Variants in NSUN2 observed in about 807,000 individuals in gnomAD.
NSUN2 encodes NOP2/Sun RNA methyltransferase 2.
In NSUN2, 63 loss-of-function variants were observed where a neutral mutation model predicts 92.7. The observed-to-expected ratio is 0.68, with a 90% CI of 0.56 to 0.84. The LOEUF is 0.84. Ranked by LOEUF, NSUN2 falls within the 40% of genes least tolerant of loss-of-function variation. The pLI is 0.00. For missense variants in NSUN2, 989 were observed against 964.9 expected (o/e 1.02, Z -0.33); for synonymous variants, 356 against 348.3 (o/e 1.02, Z -0.25).
intron 3 of NSUN2, among the ~76,000 whole-genome samples, chr5:6,628,908 G>A (rs1449395962): frequency 6.6e-6 from 1 of 152,136 alleles, no homozygotes; most frequent in Non-Finnish European, 1.5e-5. Flanking sequence ...AGCCAGGCGT[G>A]GTGGCATGCA....
chr5:6,602,501 C>T lies in NSUN2; in HGVS notation c.1958-1G>A. On this transcript the variant is annotated splice_acceptor_variant, in intron 17 of 18. Transcript: ENST00000264670. LOFTEE classifies it high-confidence loss of function. ...TACTTCAGCACGATGCTTCCCTTTG[C>T]TGGAAAAGAAACAGACACACATTTG... 3 of 1,614,204 alleles carry T rather than the reference C, an allele frequency of 1.9e-6. No individual in the cohort carries two copies. The highest frequency in any genetic ancestry group is 1.3e-5 in the African/African-American group (1 of 75,060).
chr5:6,630,771 G>A (rs1237006620), intron 3 of NSUN2, among the ~76,000 whole-genome samples: 3 of 152,158 alleles, frequency 2.0e-5, no homozygotes, highest in Non-Finnish European at 4.4e-5. Context: ...CTACGTACTG[G>A]AATAGTCAAA....
Position 6,620,154 on chromosome 5 carries a change from C to G in NSUN2, c.767G>C (p.Arg256Thr). ...TCGATCATAGAAGAGGATCTCTTTC[C>G]TGCCGTCCACATCTATCTGGAGCCT... ...IPRLQIDVDG[R>T]KEILFYDRIL... Residue 256 changes from arginine to threonine, a missense_variant, in exon 7 of 19, where the codon AGG (arginine) becomes ACG (threonine). Coordinates refer to ENST00000264670, the MANE Select transcript of NSUN2 (RefSeq NM_017755.6). 6.2e-7 allele frequency: 1 copy of G among 1,610,518 alleles called. No individual in the cohort carries two copies. The highest frequency in any genetic ancestry group is 1.3e-5 in the African/African-American group (1 of 74,746).
At position 6,602,452 on chromosome 5, in the gene NSUN2, C is replaced by T. The variant is rs202171046; in HGVS notation, c.1997+9G>A. ...TGTGTGTCTAAGGGCAGGGCGTGTACTGACTTACGCAGAATCTGGTTCATA... is the reference window on the plus strand; with the variant it reads ...TGTGTGTCTAAGGGCAGGGCGTGTATTGACTTACGCAGAATCTGGTTCATA... On this transcript the variant is annotated intron_variant, in intron 18 of 18. Coordinates refer to ENST00000264670, the MANE Select transcript of NSUN2 (RefSeq NM_017755.6). The T allele has an allele frequency of 3.1e-6, 5 of 1,613,516 alleles. No individual in the cohort carries two copies. Among genetic ancestry groups the T allele is most frequent in the Non-Finnish European group, 4.2e-6 (5 of 1,179,788 alleles).
intron 11 of NSUN2, among the ~76,000 whole-genome samples, chr5:6,610,750 T>C (rs2094784266): frequency 6.6e-6 from 1 of 151,200 alleles, no homozygotes; most frequent in Admixed American, 6.6e-5. Context: ...CCAATTTCAC[T>C]ATTAATAAAT....
chr5:6,611,614 C>T, intron 10 of NSUN2, 111 bp downstream of exon 10: 1 of 781,136 alleles, frequency 1.3e-6, no homozygotes, highest in Non-Finnish European at 2.2e-6. Flanking sequence ...ATTGGCATAA[C>T]CAGATGTAGT....
At chr5:6,621,944 T>TA (rs1737464839) in intron 6 of NSUN2, 72 bp downstream of exon 6, 5 of 1,305,122 alleles carry the variant, frequency 3.8e-6, no homozygotes, top group Non-Finnish European at 5.5e-6. Flanking sequence ...CAGGCAAAGT[T>TA]AGAGTCTTTT....
intron 11 of NSUN2, among the ~76,000 whole-genome samples, chr5:6,610,156 T>C (rs1736929198): frequency 6.6e-6 from 1 of 151,948 alleles, no homozygotes; most frequent in African/African-American, 2.4e-5. Context: ...CTCCGCCTCC[T>C]GGGCTCAGGA....
intron 5 of NSUN2, 140 bp from the exon 6 acceptor site, chr5:6,622,240 T>A: frequency 1.5e-6 from 1 of 650,638 alleles, no homozygotes; most frequent in Non-Finnish European, 2.6e-6. Context: ...TGACATAATT[T>A]ACTTTTAGGG....
chr5:6,614,108 A>AG (rs1341738835), intron 9 of NSUN2, among the ~76,000 whole-genome samples: 1 of 81,790 alleles, frequency 1.2e-5, no homozygotes, highest in Non-Finnish European at 2.7e-5. Context: ...AAAAAAAAAA[A>AG]AAAAAAAAAA....
chr5:6,630,137 A>C (rs894681668), intron 3 of NSUN2, among the ~76,000 whole-genome samples: 2 of 152,214 alleles, frequency 1.3e-5, no homozygotes, highest in Non-Finnish European at 2.9e-5. Context: ...GATCTCGTGA[A>C]GGTTACCTCA....
rs564144979 is a variant in NSUN2, at chr5:6,628,404, T to C, written c.360-2735A>G. Reference sequence around the variant, plus strand: ...TGATAATAAGGTGCACTCTGAACAATTGGTTGTCAAAACAATGCTTCTATA... The same window carrying C: ...TGATAATAAGGTGCACTCTGAACAACTGGTTGTCAAAACAATGCTTCTATA... On this transcript the variant is annotated intron_variant, in intron 3 of 18. Coordinates refer to ENST00000264670, the MANE Select transcript of NSUN2 (RefSeq NM_017755.6). Among the ~76,000 whole-genome samples the C allele has an allele frequency of 1.5e-3, 229 of 152,232 alleles. 3 individuals are homozygous for C. The highest frequency in any genetic ancestry group is 4.1e-3 in the African/African-American group (171 of 41,534).
intron 3 of NSUN2, among the ~76,000 whole-genome samples, chr5:6,627,347 T>C (rs1737690927): frequency 6.6e-6 from 1 of 152,248 alleles, no homozygotes; most frequent in Non-Finnish European, 1.5e-5. Flanking sequence ...GCTCATATAG[T>C]ATCTGGTCTT....
rs1436616106 is a variant in NSUN2, at chr5:6,620,209, C to T, written c.712G>A (p.Val238Met). ...ATGCTGGAGGCATCATGGTTGACCA[C>T]CATGATGCAGGGGCTGCTCAGCCTC... ...AKRLSSPCIM[V>M]VNHDASSIPR... Residue 238 changes from valine to methionine, a missense_variant, in exon 7 of 19, where the codon GTG becomes ATG. Val to Met is a conservative substitution (Grantham distance 21). This residue lies in a region of NSUN2 where 356 missense variants were observed against 338.6 expected (regional missense o/e 1.05). Coordinates refer to ENST00000264670, the MANE Select transcript of NSUN2 (RefSeq NM_017755.6). 3.1e-6 allele frequency: 5 copies of T among 1,613,382 alleles called. 1 individual carries two copies. In the South Asian group the frequency reaches 4.4e-5, roughly 14 times the overall value.
In NSUN2 at chr5:6,600,198, A is replaced by G. The variant is rs747908747; in HGVS notation, c.2032T>C (p.Cys678Arg). ...ATGGAGGCCTTTCCCCGCCATCCGC[A>G]TAAGACGATGGGACACTGCAGAGCG... ...PDALQCPIVL[C>R]GWRGKASIRT... is the part of the protein sequence containing the mutation. Residue 678 changes from cysteine (C) to arginine (R), a missense_variant, in exon 19 of 19, where the codon TGC becomes CGC. By Grantham distance (180) the Cys-to-Arg change is radical (BLOSUM62 -3). Around this residue, in one of 3 missense-constraint regions of NSUN2, gnomAD observed 626 missense variants for 602.3 expected, o/e 1.04. Transcript: ENST00000264670. The G allele has an allele frequency of 1.1e-5, 18 of 1,614,118 alleles. No individual in the cohort carries two copies. Among genetic ancestry groups the G allele is most frequent in the Non-Finnish European group, 1.5e-5 (18 of 1,180,044 alleles).
intron 10 of NSUN2, 79 bp downstream of exon 10, chr5:6,611,646 G>A (rs192167168): frequency 6.5e-5 from 76 of 1,175,350 alleles, no homozygotes; most frequent in Admixed American, 2.7e-4. Flanking sequence ...TTACTCACAC[G>A]TGAATGCTTT....
In NSUN2 at chr5:6,609,849, G is replaced by A. The variant is rs1425819876; in HGVS notation, c.1300C>T (p.Pro434Ser). ...ACCTTTGGCTGACGTTTATTCCACGGCATTGAAGATTTTTTCACCAATACT... is the reference window on the plus strand; with the variant it reads ...ACCTTTGGCTGACGTTTATTCCACGACATTGAAGATTTTTTCACCAATACT... ...VAVLVKKSSM[P>S]WNKRQPKLQG... Residue 434 changes from proline (P) to serine (S), a missense_variant, in exon 12 of 19, where the codon CCG (proline) becomes TCG (serine). Pro to Ser is a moderately conservative substitution (Grantham distance 74). Around this residue, in one of 3 missense-constraint regions of NSUN2, gnomAD observed 626 missense variants for 602.3 expected, o/e 1.04. Transcript: ENST00000264670. 6.2e-7 allele frequency: 1 copy of A among 1,613,382 alleles called. No individual in the cohort carries two copies. The highest frequency in any genetic ancestry group is 8.5e-7 in the Non-Finnish European group (1 of 1,179,666).
chr5:6,611,481 C>T lies in NSUN2; in HGVS notation c.1095+244G>A, dbSNP rs569058132. ...AAAAAAAAAAGCAAAGCTACCCTTA[C>T]AGGGATGAGAGTAAAAGAGTTTATT... On this transcript the variant is annotated intron_variant, in intron 10 of 18. Coordinates refer to ENST00000264670, the MANE Select transcript of NSUN2 (RefSeq NM_017755.6). Among the ~76,000 whole-genome samples, 7 of 82,276 alleles carry T rather than the reference C, an allele frequency of 8.5e-5. No individual in the cohort carries two copies. In the East Asian group the frequency reaches 1.8e-3, roughly 21 times the overall value. The allele number at this position is 82,276 out of a possible 152,430, so 54.0% of individuals were successfully genotyped here. A position where few individuals can be genotyped will look rare whatever the true frequency, so the allele number is the denominator to read the frequency against.
At chr5:6,619,430 G>C (rs557335606) in intron 7 of NSUN2, among the ~76,000 whole-genome samples, 1 of 152,312 alleles carries the variant, frequency 6.6e-6, no homozygotes, top group South Asian at 2.1e-4. Flanking sequence ...ATGTCATTCA[G>C]AAGTCATTAT....
Sources: gnomAD v4.1 joint callset for allele counts (sites outside exome capture counted in the v4.1 genomes callset) on GRCh38, gnomAD v4.1.1 for gene constraint, gnomAD v4.1.1 regional missense constraint, MANE v1.5 for transcripts, NCBI Gene and HGNC (gene_info 2026-07-23, HGNC 2026-07-21) for gene names.